The following ASCC3 variants were observed in gnomAD, a reference collection of about 807,000 sequenced individuals.
ASCC3 encodes ASC-1 complex subunit P200.
ASCC3 carries 158 observed loss-of-function variants against 256.3 expected under a neutral mutation model. The observed-to-expected ratio is 0.62, with a 90% CI of 0.54 to 0.70. The LOEUF is 0.70. Among genes scored for constraint, ASCC3 ranks in the 30% least tolerant of loss-of-function variants. The pLI is 0.00. For synonymous variants in ASCC3, 948 were observed against 883.4 expected (o/e 1.07, Z -1.30); for missense variants, 2,259 against 2,626.0 (o/e 0.86, Z 3.05).
intron 11 of ASCC3, among the ~76,000 whole-genome samples, chr6:100,720,623 A>G (rs1779283074): frequency 6.6e-6 from 1 of 151,790 alleles, no homozygotes; most frequent in Non-Finnish European, 1.5e-5. Flanking sequence ...ATGAAGATGT[A>G]GAAGTTAAAA....
chr6:100,601,916 C>A lies in ASCC3; in HGVS notation c.5197G>T (p.Asp1733Tyr). ...VESSLLGVLS[D>Y]HLNAEIAGGT... Reference sequence around the variant, plus strand: ...CCAGCAATCTCTGCATTTAAGTGGTCAGAGAGCACTCCTAATAAACTATAT... The same window carrying A: ...CCAGCAATCTCTGCATTTAAGTGGTAAGAGAGCACTCCTAATAAACTATAT... Residue 1733 changes from aspartate (D) to tyrosine (Y), a missense_variant, in exon 34 of 42, where the codon GAC becomes TAC. This residue lies in a region of ASCC3 where 1,839 missense variants were observed against 2,206.7 expected (regional missense o/e 0.83). Coordinates refer to ENST00000369162, the MANE Select transcript of ASCC3 (RefSeq NM_006828.4). 1 of 1,612,310 alleles carries A rather than the reference C, an allele frequency of 6.2e-7. No individual in the cohort carries two copies. Among genetic ancestry groups the A allele is most frequent in the South Asian group, 1.1e-5 (1 of 90,986 alleles).
At chr6:100,562,325 T>C (rs1158723224) in intron 36 of ASCC3, among the ~76,000 whole-genome samples, 3 of 152,038 alleles carry the variant, frequency 2.0e-5, no homozygotes, top group South Asian at 2.1e-4. Context: ...AATCAAAAGG[T>C]ATCACTGGAA....
At chr6:100,608,382 CCTTATATATGTATACCTTATATATATAT>C in intron 30 of ASCC3, among the ~76,000 whole-genome samples, 1 of 66,656 alleles carries the variant, frequency 1.5e-5, no homozygotes, top group African/African-American at 6.4e-5. Flanking sequence ...TATATATATA[CCTTATATATGTATACCTTATATATATAT>C]ACCTTATATA....
intron 13 of ASCC3, among the ~76,000 whole-genome samples, chr6:100,706,219 T>C (rs965298942): frequency 1.3e-5 from 2 of 151,718 alleles, no homozygotes; most frequent in African/African-American, 4.8e-5. Context: ...ATTATATTTT[T>C]TTCATTTTCC....
chr6:100,605,518 C>G (rs946375400), intron 33 of ASCC3, 50 bp downstream of exon 33: 1 of 1,351,708 alleles, frequency 7.4e-7, no homozygotes, highest in Admixed American at 1.8e-5. Flanking sequence ...CAGAAAAACA[C>G]CAACTTGTGA....
chr6:100,675,147 A>C (rs1776949117), intron 14 of ASCC3, among the ~76,000 whole-genome samples: 1 of 141,846 alleles, frequency 7.0e-6, no homozygotes, highest in Admixed American at 7.2e-5. Flanking sequence ...TTTTTTTTAC[A>C]ATTTTGTTTG....
chr6:100,636,525 C>T (rs1774851650), intron 25 of ASCC3, among the ~76,000 whole-genome samples: 1 of 151,940 alleles, frequency 6.6e-6, no homozygotes, highest in Non-Finnish European at 1.5e-5. Context: ...TCTAAATGTT[C>T]GAGTGAAAGG....
At chr6:100,808,047 A>G (rs1027485803) in intron 4 of ASCC3, among the ~76,000 whole-genome samples, 5 of 151,938 alleles carry the variant, frequency 3.3e-5, no homozygotes, top group Admixed American at 3.3e-4. Context: ...TTTGTTGCCA[A>G]TGCTAAAATG....
intron 8 of ASCC3, among the ~76,000 whole-genome samples, chr6:100,790,698 CTT>C (rs1769309981): frequency 6.6e-6 from 1 of 151,896 alleles, no homozygotes; most frequent in Admixed American, 6.6e-5. Flanking sequence ...AGTTCAATGT[CTT>C]TAAGTTTTTA....
chr6:100,554,420 G>A (rs1456415823), intron 36 of ASCC3, among the ~76,000 whole-genome samples: 3 of 152,070 alleles, frequency 2.0e-5, no homozygotes, highest in Admixed American at 1.3e-4. Context: ...TGCACACATC[G>A]CTGCCTACAC....
intron 36 of ASCC3, among the ~76,000 whole-genome samples, chr6:100,551,454 G>A (rs1270101668): frequency 6.6e-6 from 1 of 151,936 alleles, no homozygotes; most frequent in Non-Finnish European, 1.5e-5. Flanking sequence ...AAAGAAAAAG[G>A]AAGGAGGGAA....
intron 8 of ASCC3, among the ~76,000 whole-genome samples, chr6:100,785,731 AC>A (rs1333096618): frequency 2.6e-5 from 4 of 152,168 alleles, no homozygotes; most frequent in African/African-American, 7.2e-5. Flanking sequence ...TGTATAAAAT[AC>A]TGACAATACT....
chr6:100,771,540 T>TATATAA (rs57732140), intron 8 of ASCC3, among the ~76,000 whole-genome samples: 5 of 151,790 alleles, frequency 3.3e-5, no homozygotes, highest in Non-Finnish European at 5.9e-5. Context: ...ATACGTAGAA[T>TATATAA]AAAAAAACTC....
rs963243089 is a variant in ASCC3, at chr6:100,815,620, C to A, written c.802-9740G>T. Among the ~76,000 whole-genome samples the A allele has an allele frequency of 2.0e-5, 3 of 152,000 alleles. No individual in the cohort carries two copies. The East Asian group carries it at 5.8e-4, about 29-fold the overall frequency. Reference sequence around the variant, plus strand: ...ACCCAGAAATAGGCCCACAGACCCACAAACATCTCATCTTTGACACAGCCA... The same window carrying A: ...ACCCAGAAATAGGCCCACAGACCCAAAAACATCTCATCTTTGACACAGCCA... On this transcript the variant is annotated intron_variant, in intron 4 of 41. Transcript: ENST00000369162.
At chr6:100,643,675 A>C (rs1022448685) in intron 23 of ASCC3, among the ~76,000 whole-genome samples, 1 of 151,906 alleles carries the variant, frequency 6.6e-6, no homozygotes, top group Admixed American at 6.6e-5. Flanking sequence ...AGGCAATTAT[A>C]ACACAATGGT....
intron 3 of ASCC3, chr6:100,858,857 G>A (rs41289345): frequency 0.015 from 7,202 of 494,856 alleles, 83 homozygotes; most frequent in East Asian, 0.03. Flanking sequence ...CCAAAAATAC[G>A]TAATTTTTTT....
chr6:100,571,527 T>C (rs1422287470), intron 36 of ASCC3, among the ~76,000 whole-genome samples: 1 of 152,226 alleles, frequency 6.6e-6, no homozygotes, highest in Non-Finnish European at 1.5e-5. Flanking sequence ...ATGGCTGGAA[T>C]ATAATAAGTG....
At chr6:100,641,806 C>A (rs982538556) in intron 24 of ASCC3, among the ~76,000 whole-genome samples, 1 of 152,102 alleles carries the variant, frequency 6.6e-6, no homozygotes. Flanking sequence ...AAATGTGGCA[C>A]ATATACACCA....
In ASCC3 at chr6:100,509,997, T is replaced by A; in HGVS notation, c.6396A>T (p.Arg2132Ser). ...VDKRELIALKRVGYIRNHHVA... is the reference protein window; with the variant it reads ...VDKRELIALKSVGYIRNHHVA... ...CATGATGATTTCGAATATATCCTAC[T>A]CTTTTCAAAGCAATAAGTTCTCTCT... Residue 2132 changes from arginine to serine, a missense_variant, in exon 41 of 42, where the codon AGA becomes AGT. Arg to Ser is a moderately radical substitution (Grantham distance 110, BLOSUM62 -1). Around this residue, in one of 2 missense-constraint regions of ASCC3, gnomAD observed 1,839 missense variants for 2,206.7 expected, o/e 0.83. Coordinates refer to ENST00000369162, the MANE Select transcript of ASCC3 (RefSeq NM_006828.4). 1.2e-6 allele frequency: 2 copies of A among 1,614,134 alleles called. No individual in the cohort carries two copies. Among genetic ancestry groups the A allele is most frequent in the Non-Finnish European group, 1.7e-6 (2 of 1,179,966 alleles).
Sources: allele counts gnomAD v4.1 joint callset (sites outside exome capture counted in the v4.1 genomes callset), GRCh38; gene constraint gnomAD v4.1.1; regional missense constraint gnomAD v4.1.1; transcripts MANE v1.5; gene names NCBI Gene and HGNC (gene_info 2026-07-23, HGNC 2026-07-21).